The following SPINK5 variants were observed in gnomAD, a reference collection of about 807,000 sequenced individuals.
SPINK5 encodes the protein serine peptidase inhibitor Kazal type 5, also known as serine protease inhibitor Kazal-type 5.
In SPINK5, 125 loss-of-function variants were observed where a neutral mutation model predicts 151.8. The observed-to-expected ratio is 0.82, with a 90% CI of 0.71 to 0.96. The LOEUF is 0.96. SPINK5 is among the 40% of genes least tolerant of loss of function. SPINK5 has a pLI of 0.00. For missense variants in SPINK5, 1,194 were observed against 1,291.9 expected (o/e 0.92, Z 1.16); for synonymous variants, 374 against 395.3 (o/e 0.95, Z 0.64).
At chr5:148,065,843 G>C (rs901246695) in intron 2 of SPINK5, among the ~76,000 whole-genome samples, 1 of 152,140 alleles carries the variant, frequency 6.6e-6, no homozygotes, top group Non-Finnish European at 1.5e-5. Flanking sequence ...GTCAGACCCT[G>C]TTTGAGATGC....
intron 8 of SPINK5, among the ~76,000 whole-genome samples, chr5:148,094,110 C>T (rs1293145780): frequency 6.6e-6 from 1 of 151,770 alleles, no homozygotes; most frequent in East Asian, 2.0e-4. Flanking sequence ...GCCCGGGCAA[C>T]ATGATGAGAT....
chr5:148,116,167 T>A (rs1326768778), intron 21 of SPINK5, among the ~76,000 whole-genome samples: 2 of 152,228 alleles, frequency 1.3e-5, no homozygotes, highest in Non-Finnish European at 2.9e-5. Flanking sequence ...GGTGTTCTTT[T>A]ATTTTAATGA....
intron 31 of SPINK5, among the ~76,000 whole-genome samples, chr5:148,132,436 AGGTATGGTAGGTAT>A (rs1371552857): frequency 3.1e-4 from 47 of 152,294 alleles, no homozygotes; most frequent in African/African-American, 1.0e-3. Flanking sequence ...GATATAGGTA[AGGTATGGTAGGTAT>A]GGTATGGTAG....
At chr5:148,066,240 A>G (rs1209144685) in intron 2 of SPINK5, among the ~76,000 whole-genome samples, 1 of 152,178 alleles carries the variant, frequency 6.6e-6, no homozygotes, top group Non-Finnish European at 1.5e-5. Context: ...TTAAAAAATC[A>G]TTTTCTACTA....
intron 29 of SPINK5, 113 bp downstream of exon 29, chr5:148,125,963 T>G: frequency 6.6e-7 from 1 of 1,509,544 alleles, no homozygotes. Context: ...TAAAAATAAG[T>G]CTTTAGAATT....
chr5:148,077,053 T>C (rs912815806), intron 4 of SPINK5, among the ~76,000 whole-genome samples: 3 of 151,342 alleles, frequency 2.0e-5, no homozygotes, highest in Non-Finnish European at 4.4e-5. Flanking sequence ...CAAAAATTAT[T>C]TGAAGAAACA....
intron 8 of SPINK5, among the ~76,000 whole-genome samples, chr5:148,092,944 C>A (rs755805517): frequency 3.3e-5 from 5 of 151,856 alleles, no homozygotes; most frequent in Admixed American, 6.6e-5. Context: ...AGCATCTGTT[C>A]CAAAAACCTC....
chr5:148,098,253 C>T (rs1189710056), intron 11 of SPINK5, among the ~76,000 whole-genome samples: 1 of 151,936 alleles, frequency 6.6e-6, no homozygotes, highest in African/African-American at 2.4e-5. Flanking sequence ...AGTAGATGCC[C>T]CCTTACTCCT....
chr5:148,107,676 G>A (rs1055360947), intron 17 of SPINK5, among the ~76,000 whole-genome samples: 5 of 152,156 alleles, frequency 3.3e-5, no homozygotes, highest in African/African-American at 9.7e-5. Context: ...AAGTGGTTTA[G>A]TGTGGAGTAA....
intron 28 of SPINK5, chr5:148,125,495 G>A (rs772078543): frequency 1.1e-5 from 18 of 1,596,642 alleles, no homozygotes; most frequent in Non-Finnish European, 1.5e-5. Flanking sequence ...TCTATCAAGT[G>A]TTGTTTTATG....
intron 4 of SPINK5, among the ~76,000 whole-genome samples, chr5:148,084,811 T>A (rs575879190): frequency 6.6e-6 from 1 of 151,952 alleles, no homozygotes; most frequent in East Asian, 2.0e-4. Flanking sequence ...AGAATGTTCT[T>A]CCCTCAAATG....
At chr5:148,135,020 C>T (rs1324352529) in intron 32 of SPINK5, among the ~76,000 whole-genome samples, 2 of 151,982 alleles carry the variant, frequency 1.3e-5, no homozygotes, top group African/African-American at 4.8e-5. Flanking sequence ...ACATTAGCAG[C>T]TGAAAGCAAT....
In SPINK5 at chr5:148,119,015, A is replaced by ATT; in HGVS notation, c.2271_2272dup (p.Ser758PhefsTer25). On this transcript the variant is annotated frameshift_variant, in exon 24 of 33. Transcript: ENST00000256084. LOFTEE classifies it high-confidence loss of function. ...AGAGAAGCAGAGAGAAAAAATGAGT[A>ATT]TTCTCGCTCCAGATCAAATGGGACT... 6.2e-7 allele frequency: 1 copy of ATT among 1,614,096 alleles called. No homozygotes were observed. The highest frequency in any genetic ancestry group is 8.5e-7 in the Non-Finnish European group (1 of 1,179,962).
intron 7 of SPINK5, among the ~76,000 whole-genome samples, chr5:148,090,044 C>T (rs1753268323): frequency 6.6e-6 from 1 of 151,678 alleles, no homozygotes; most frequent in Non-Finnish European, 1.5e-5. Flanking sequence ...AGTAATAATG[C>T]CATGTGTCTG....
At chr5:148,107,748 G>A (rs1242714356) in intron 17 of SPINK5, among the ~76,000 whole-genome samples, 1 of 152,164 alleles carries the variant, frequency 6.6e-6, no homozygotes, top group East Asian at 1.9e-4. Flanking sequence ...GTTAAGCCAG[G>A]TTCATGGCCT....
At chr5:148,073,100 C>T (rs1752784159) in intron 4 of SPINK5, among the ~76,000 whole-genome samples, 1 of 151,832 alleles carries the variant, frequency 6.6e-6, no homozygotes, top group South Asian at 2.1e-4. Flanking sequence ...ACTGACAAAG[C>T]TGGGACTACC....
Position 148,118,359 on chromosome 5 carries a change from C to T in SPINK5, c.2113-78C>T. 3.7e-6 allele frequency: 6 copies of T among 1,601,258 alleles called. No homozygotes were observed. The Admixed American group carries it at 6.7e-5, about 18-fold the overall frequency. ...AAGAGAGGTGAAAGAACTTCTCTTA[C>T]TCAGACTGTTAAAACAATTTACTAA... is the stretch of plus-strand genomic sequence containing the variant. On this transcript the variant is annotated intron_variant, in intron 22 of 32. Coordinates refer to ENST00000256084, the MANE Select transcript of SPINK5 (RefSeq NM_006846.4).
chr5:148,098,595 A>G (rs1753540941), intron 11 of SPINK5, among the ~76,000 whole-genome samples: 1 of 151,996 alleles, frequency 6.6e-6, no homozygotes. Context: ...TTAACTGTAC[A>G]TACTGTGCAA....
At chr5:148,122,904 A>T (rs1427148135) in intron 26 of SPINK5, among the ~76,000 whole-genome samples, 1 of 29,586 alleles carries the variant, frequency 3.4e-5, no homozygotes, top group Non-Finnish European at 1.1e-4. Context: ...GTGGTTGAGA[A>T]ATGAAGCTGA....
Sources: allele counts gnomAD v4.1 joint callset (sites outside exome capture counted in the v4.1 genomes callset), GRCh38; gene constraint gnomAD v4.1.1; transcripts MANE v1.5; gene names NCBI Gene and HGNC (gene_info 2026-07-23, HGNC 2026-07-21).